NHLRC2: variants seen among roughly 807,000 people sequenced by gnomAD.
NHLRC2 encodes the protein NHL repeat containing 2, also known as NHL repeat-containing protein 2.
In NHLRC2, 33 loss-of-function variants were observed where a neutral mutation model predicts 68.1. The observed-to-expected ratio is 0.48, with a 90% CI of 0.37 to 0.65. The LOEUF is 0.65. Ranked by LOEUF, NHLRC2 falls within the 30% of genes least tolerant of loss-of-function variation. NHLRC2 has a pLI of 0.00. For synonymous variants in NHLRC2, 311 were observed against 309.6 expected (o/e 1.00, Z -0.05); for missense variants, 761 against 853.8 (o/e 0.89, Z 1.35).
rs75643775 is a variant in NHLRC2, at chr10:113,884,127, T to A, written c.910-124T>A. On this transcript the variant is annotated intron_variant, in intron 4 of 10. Coordinates refer to ENST00000369301, the MANE Select transcript of NHLRC2 (RefSeq NM_198514.4). Reference sequence around the variant, plus strand: ...TCTATAATTGATTGGCCTTTTTTCATAATAAAACTTTGTACTGCACATACA... The same window carrying A: ...TCTATAATTGATTGGCCTTTTTTCAAAATAAAACTTTGTACTGCACATACA... 5.4e-3 allele frequency: 3,963 copies of A among 729,416 alleles called. 93 individuals are homozygous for A. In the African/African-American group the frequency reaches 0.057, roughly 11 times the overall value. 45.2% of individuals were successfully genotyped at this position (729,416 alleles called of 1,614,324 possible).
At position 113,876,583 on chromosome 10, in the gene NHLRC2, A is replaced by G; in HGVS notation, c.394A>G (p.Ile132Val). ...KFPNEKVLDN[I>V]KSAVLRYNIT... ...TCCAAATGAAAAAGTCCTGGATAAC[A>G]TTAAGAGTGCTGTTCTTCGATACAA... Residue 132 changes from isoleucine to valine, a missense_variant, in exon 3 of 11, where the codon ATT becomes GTT. Coordinates refer to ENST00000369301, the MANE Select transcript of NHLRC2 (RefSeq NM_198514.4). 3 of 1,613,770 alleles carry G rather than the reference A, an allele frequency of 1.9e-6. No homozygotes were observed. Among genetic ancestry groups the G allele is most frequent in the Admixed American group, 3.3e-5 (2 of 60,000 alleles).
chr10:113,895,509 G>A (rs1188477569), intron 5 of NHLRC2, among the ~76,000 whole-genome samples: 2 of 152,192 alleles, frequency 1.3e-5, no homozygotes, highest in African/African-American at 2.4e-5. Context: ...AGAAGCTTGA[G>A]CAGAGATCTG....
At chr10:113,884,192 C>G (rs1846060453) in intron 4 of NHLRC2, 59 bp from the exon 5 acceptor site, 1 of 1,527,730 alleles carries the variant, frequency 6.5e-7, no homozygotes. Flanking sequence ...CTTTACACAG[C>G]AAAAGACAAA....
At chr10:113,882,452 A>G (rs1846043707) in intron 4 of NHLRC2, among the ~76,000 whole-genome samples, 1 of 151,808 alleles carries the variant, frequency 6.6e-6, no homozygotes, top group Non-Finnish European at 1.5e-5. Context: ...CCTTATGACT[A>G]ATGATGTCAA....
chr10:113,865,597 CTT>C (rs59697946), intron 2 of NHLRC2, among the ~76,000 whole-genome samples: 13 of 108,392 alleles, frequency 1.2e-4, no homozygotes, highest in Non-Finnish European at 1.4e-4. Context: ...ATAACTTCGA[CTT>C]TTTTTTTTTT....
chr10:113,898,692 C>T (rs1025554185), intron 6 of NHLRC2, among the ~76,000 whole-genome samples: 1 of 152,196 alleles, frequency 6.6e-6, no homozygotes, highest in Non-Finnish European at 1.5e-5. Context: ...TATCTCTAAT[C>T]ATTCATTCAA....
chr10:113,874,151 A>C (rs1301501073), intron 2 of NHLRC2, among the ~76,000 whole-genome samples: 1 of 152,080 alleles, frequency 6.6e-6, no homozygotes, highest in Non-Finnish European at 1.5e-5. Flanking sequence ...TAATCTTTGT[A>C]CTTACAACTT....
intron 5 of NHLRC2, among the ~76,000 whole-genome samples, chr10:113,897,561 C>T (rs537950777): frequency 1.4e-4 from 21 of 152,250 alleles, no homozygotes; most frequent in Middle Eastern, 3.4e-3. Context: ...ATTTGGATGC[C>T]AGTATATGTA....
intron 5 of NHLRC2, among the ~76,000 whole-genome samples, chr10:113,895,468 GGT>G (rs1322236185): frequency 6.6e-6 from 1 of 152,116 alleles, no homozygotes; most frequent in Non-Finnish European, 1.5e-5. Context: ...AAGAATGATG[GGT>G]GTGTGGTATT....
At position 113,859,457 on chromosome 10, in the gene NHLRC2, G is replaced by C. The variant is rs140346679; in HGVS notation, c.331+777G>C. On this transcript the variant is annotated intron_variant, in intron 2 of 10. Coordinates refer to ENST00000369301, the MANE Select transcript of NHLRC2 (RefSeq NM_198514.4). Reference sequence around the variant, plus strand: ...GTAAAGATGAGAATAGACTATATACGTGTGAAAGTAAAGGATATTCTGAAA... The same window carrying C: ...GTAAAGATGAGAATAGACTATATACCTGTGAAAGTAAAGGATATTCTGAAA... 2.4e-3 allele frequency among the ~76,000 whole-genome samples: 372 copies of C among 152,214 alleles called. 2 individuals are homozygous for C. The highest frequency in any genetic ancestry group is 5.3e-3 in the Admixed American group (81 of 15,292).
intron 5 of NHLRC2, among the ~76,000 whole-genome samples, chr10:113,890,275 G>A (rs1251921713): frequency 1.3e-5 from 2 of 152,074 alleles, no homozygotes; most frequent in Non-Finnish European, 2.9e-5. Flanking sequence ...TATTTTTATT[G>A]CGTATGTGAA....
Position 113,914,750 on chromosome 10 carries a change from A to C in NHLRC2, c.*6214A>C. 1 of 286,838 alleles carries C rather than the reference A, an allele frequency of 3.5e-6. No homozygotes were observed. The highest frequency in any genetic ancestry group is 6.8e-6 in the Non-Finnish European group (1 of 146,778). The allele number at this position is 286,838 out of a possible 1,614,324, so 17.8% of individuals were successfully genotyped here. Reference sequence around the variant, plus strand: ...TTTTCTTCCCCCTGTGGCACAGTTTATTTAAATGAAGTATTAGCAATAATC... The same window carrying C: ...TTTTCTTCCCCCTGTGGCACAGTTTCTTTAAATGAAGTATTAGCAATAATC... On this transcript the variant is annotated 3_prime_UTR_variant, in exon 11 of 11. Transcript: ENST00000369301.
chr10:113,855,727 G>C (rs532288008), intron 1 of NHLRC2, among the ~76,000 whole-genome samples: 2 of 152,270 alleles, frequency 1.3e-5, no homozygotes, highest in African/African-American at 2.4e-5. Context: ...TCGACCTCCT[G>C]ATTTCAAGTG....
chr10:113,898,070 C>A (rs530008422), intron 5 of NHLRC2, 40 bp from the exon 6 acceptor site: 3 of 1,198,910 alleles, frequency 2.5e-6, no homozygotes, highest in African/African-American at 3.1e-5. Flanking sequence ...TTTGTATTAA[C>A]CAGATATGTA....
intron 2 of NHLRC2, among the ~76,000 whole-genome samples, chr10:113,862,982 AT>A (rs774920199): frequency 2.0e-5 from 3 of 152,358 alleles, no homozygotes; most frequent in Admixed American, 1.3e-4. Flanking sequence ...TTATTAAAAA[AT>A]AAATTAATAC....
chr10:113,861,913 C>T (rs1845819733), intron 2 of NHLRC2, among the ~76,000 whole-genome samples: 1 of 151,424 alleles, frequency 6.6e-6, no homozygotes, highest in African/African-American at 2.4e-5. Context: ...TTGCTCTATT[C>T]CCCAGGCTAG....
chr10:113,915,015 C>T lies in NHLRC2; in HGVS notation c.*6479C>T. 1 of 456,268 alleles carries T rather than the reference C, an allele frequency of 2.2e-6. No individual in the cohort carries two copies. The highest frequency in any genetic ancestry group is 1.5e-5 in the South Asian group (1 of 64,568). 28.3% of individuals were successfully genotyped at this position (456,268 alleles called of 1,614,324 possible). A position where few individuals can be genotyped will look rare whatever the true frequency, so the allele number is the denominator to read the frequency against. ...GGTAAGGTGGAACAGGAGGCAGCCC[C>T]ACTCGGCTTTTCTGATTGCATCCCA... On this transcript the variant is annotated 3_prime_UTR_variant, in exon 11 of 11. Coordinates refer to ENST00000369301, the MANE Select transcript of NHLRC2 (RefSeq NM_198514.4).
chr10:113,893,201 T>C (rs751797271), intron 5 of NHLRC2, among the ~76,000 whole-genome samples: 5 of 152,132 alleles, frequency 3.3e-5, no homozygotes, highest in Non-Finnish European at 7.3e-5. Flanking sequence ...CAGATCCCTG[T>C]TTCTGATCAC....
At chr10:113,887,100 T>C (rs778214578) in intron 5 of NHLRC2, among the ~76,000 whole-genome samples, 4 of 152,180 alleles carry the variant, frequency 2.6e-5, no homozygotes, top group South Asian at 4.1e-4. Context: ...TAAGCAGATA[T>C]ATGAGAAAAT....
Sources: allele counts gnomAD v4.1 joint callset (sites outside exome capture counted in the v4.1 genomes callset), GRCh38; gene constraint gnomAD v4.1.1; transcripts MANE v1.5; gene names NCBI Gene and HGNC (gene_info 2026-07-23, HGNC 2026-07-21).